The following PEX13 variants were observed in gnomAD, a reference collection of about 807,000 sequenced individuals.
PEX13 encodes peroxisome biogenesis factor 13.
In PEX13, 28 loss-of-function variants were observed where a neutral mutation model predicts 34.5. That is an observed-to-expected ratio of 0.81 (90% CI 0.60 to 1.11). The LOEUF is 1.11. PEX13 is among the 50% of genes most tolerant of loss of function. The pLI is 0.00. For synonymous variants in PEX13, 177 were observed against 175.1 expected (o/e 1.01, Z -0.09); for missense variants, 550 against 491.0 (o/e 1.12, Z -1.13).
At chr2:61,034,366 C>T (rs1033034533) in intron 2 of PEX13, among the ~76,000 whole-genome samples, 3 of 152,196 alleles carry the variant, frequency 2.0e-5, no homozygotes, top group African/African-American at 7.2e-5. Context: ...GGAACAGCTC[C>T]GGTCTGCAGC....
chr2:61,018,241 G>A (rs1680146443), intron 1 of PEX13: 2 of 1,551,138 alleles, frequency 1.3e-6, no homozygotes, highest in Non-Finnish European at 8.7e-7. Context: ...GGCATCGACA[G>A]GGAGCAAAGT....
rs1292561570 is a variant in PEX13, at chr2:61,045,777, A to C, written c.839A>C (p.Glu280Ala). The C allele has an allele frequency of 6.2e-7, 1 of 1,613,266 alleles. No homozygotes were observed. Among genetic ancestry groups the C allele is most frequent in the South Asian group, 1.1e-5 (1 of 91,066 alleles). ...GATGACCATGTAGTTGCCAGAGCAGAATATGATTTTGCTGCCGTATCTGAA... is the reference window on the plus strand; with the variant it reads ...GATGACCATGTAGTTGCCAGAGCAGCATATGATTTTGCTGCCGTATCTGAA... ...GEDDHVVARA[E>A]YDFAAVSEEE... The change falls in exon 3 of 4, where the codon GAA becomes GCA. Residue 280 changes from glutamate to alanine, a missense_variant. Transcript: ENST00000295030.
chr2:61,033,858 A>T (rs936294361), intron 2 of PEX13, among the ~76,000 whole-genome samples: 1 of 152,166 alleles, frequency 6.6e-6, no homozygotes, highest in Non-Finnish European at 1.5e-5. Flanking sequence ...GTGGCAGGAG[A>T]TGAAGGGAGT....
In PEX13 at chr2:61,031,999, G is replaced by C; in HGVS notation, c.673G>C (p.Asp225His). ...AACTGTGGCATGCCTTGGTGCTGAG[G>C]ACCGAGCAGCTACCTCAGCAAAATC... ...EGTVACLGAE[D>H]RAATSAKSWP... The change falls in exon 2 of 4, where the codon GAC (aspartate) becomes CAC (histidine). Residue 225 changes from aspartate (D) to histidine (H), a missense_variant. Coordinates refer to ENST00000295030, the MANE Select transcript of PEX13 (RefSeq NM_002618.4). 2 of 1,613,722 alleles carry C rather than the reference G, an allele frequency of 1.2e-6. No homozygotes were observed. Among genetic ancestry groups the C allele is most frequent in the Non-Finnish European group, 1.7e-6 (2 of 1,179,712 alleles).
At chr2:61,033,191 G>A (rs913309822) in intron 2 of PEX13, among the ~76,000 whole-genome samples, 14 of 152,130 alleles carry the variant, frequency 9.2e-5, no homozygotes, top group African/African-American at 3.4e-4. Context: ...TATTCCTACT[G>A]TCTAACCTGC....
intron 1 of PEX13, among the ~76,000 whole-genome samples, chr2:61,024,923 A>G (rs1480325885): frequency 6.6e-6 from 1 of 152,108 alleles, no homozygotes; most frequent in African/African-American, 2.4e-5. Context: ...TATAGTTCCT[A>G]TTTTCTTTTG....
rs1245413171 is a variant in PEX13, at chr2:61,045,776, G to C, written c.838G>C (p.Glu280Gln). Residue 280 changes from glutamate (E) to glutamine (Q), a missense_variant, in exon 3 of 4, where the codon GAA becomes CAA. Transcript: ENST00000295030. ...GGATGACCATGTAGTTGCCAGAGCA[G>C]AATATGATTTTGCTGCCGTATCTGA... ...GEDDHVVARA[E>Q]YDFAAVSEEE... 6.2e-7 allele frequency: 1 copy of C among 1,611,292 alleles called. No homozygotes were observed. Among genetic ancestry groups the C allele is most frequent in the Admixed American group, 1.7e-5 (1 of 60,018 alleles).
intron 2 of PEX13, among the ~76,000 whole-genome samples, chr2:61,032,918 T>C (rs1057459920): frequency 1.3e-5 from 2 of 152,218 alleles, no homozygotes; most frequent in African/African-American, 4.8e-5. Flanking sequence ...CCTATAGTAT[T>C]GCATTGGATC....
At chr2:61,030,862 G>T (rs1680438057) in intron 1 of PEX13, among the ~76,000 whole-genome samples, 1 of 152,182 alleles carries the variant, frequency 6.6e-6, no homozygotes, top group Non-Finnish European at 1.5e-5. Flanking sequence ...GATGGGTGGA[G>T]GGGTGGGCAG....
chr2:61,025,290 T>G (rs1403214748), intron 1 of PEX13, among the ~76,000 whole-genome samples: 1 of 151,766 alleles, frequency 6.6e-6, no homozygotes, highest in African/African-American at 2.4e-5. Context: ...AGGCTGGTCT[T>G]GAACTCCTGA....
intron 1 of PEX13, among the ~76,000 whole-genome samples, chr2:61,030,431 G>C (rs915746123): frequency 6.6e-6 from 1 of 152,130 alleles, no homozygotes; most frequent in African/African-American, 2.4e-5. Flanking sequence ...CTTTATCAAA[G>C]TCTGTTTAGT....
At chr2:61,027,056 C>T (rs779631754) in intron 1 of PEX13, among the ~76,000 whole-genome samples, 16 of 151,956 alleles carry the variant, frequency 1.1e-4, no homozygotes, top group East Asian at 1.9e-4. Flanking sequence ...GGCATGGTGG[C>T]TCACACCTGT....
intron 2 of PEX13, among the ~76,000 whole-genome samples, chr2:61,034,295 C>G (rs1188772491): frequency 1.3e-5 from 2 of 152,222 alleles, no homozygotes; most frequent in Non-Finnish European, 2.9e-5. Flanking sequence ...CCACACCCAG[C>G]CGACTTAGGT....
intron 1 of PEX13, 62 bp downstream of exon 1, chr2:61,017,913 C>G: frequency 6.8e-7 from 1 of 1,469,546 alleles, no homozygotes; most frequent in South Asian, 1.2e-5. Context: ...TGGCAGGAGG[C>G]GGTTGTAGCG....
chr2:61,047,100 C>G (rs1680714859), intron 3 of PEX13, among the ~76,000 whole-genome samples: 1 of 150,466 alleles, frequency 6.6e-6, no homozygotes, highest in African/African-American at 2.4e-5. Flanking sequence ...GTAACCTTGT[C>G]TCAAGAAAAA....
At chr2:61,045,664 A>T in intron 2 of PEX13, 62 bp from the exon 3 acceptor site, 1 of 1,470,546 alleles carries the variant, frequency 6.8e-7, no homozygotes, top group Non-Finnish European at 9.5e-7. Context: ...AGCCATAGCC[A>T]GTGAAATATC....
intron 2 of PEX13, among the ~76,000 whole-genome samples, chr2:61,045,417 A>C (rs184642169): frequency 3.3e-5 from 5 of 152,192 alleles, no homozygotes; most frequent in African/African-American, 1.2e-4. Context: ...TAATTGCCCA[A>C]TATCCTGTTT....
In PEX13 at chr2:61,050,941, A is replaced by C. The variant is rs1424738238; in HGVS notation, c.*2171A>C. On this transcript the variant is annotated 3_prime_UTR_variant, in exon 4 of 4. Coordinates refer to ENST00000295030, the MANE Select transcript of PEX13 (RefSeq NM_002618.4). ...CAGCGATTTAGTATTTTTTTCTAAT[A>C]GACTATGTTCAACAAATAAGTAATT... 1 of 152,368 alleles carries C rather than the reference A, an allele frequency of 6.6e-6. No individual in the cohort carries two copies. Among genetic ancestry groups the C allele is most frequent in the Non-Finnish European group, 1.5e-5 (1 of 68,046 alleles). The allele number at this position is 152,368 out of a possible 1,614,324, so 9.4% of individuals were successfully genotyped here.
At chr2:61,044,731 C>CT (rs1680679378) in intron 2 of PEX13, among the ~76,000 whole-genome samples, 1 of 152,182 alleles carries the variant, frequency 6.6e-6, no homozygotes, top group Non-Finnish European at 1.5e-5. Context: ...CAGAACAGTG[C>CT]TTATATGCAA....
Sources: allele counts gnomAD v4.1 joint callset (sites outside exome capture counted in the v4.1 genomes callset), GRCh38; gene constraint gnomAD v4.1.1; transcripts MANE v1.5; gene names NCBI Gene and HGNC (gene_info 2026-07-23, HGNC 2026-07-21).